The following TRPC6 variants were observed in gnomAD, a reference collection of about 807,000 sequenced individuals.
TRPC6 encodes short transient receptor potential channel 6.
In TRPC6, 55 loss-of-function variants were observed where a neutral mutation model predicts 90.7. The observed-to-expected ratio is 0.61, with a 90% CI of 0.49 to 0.76. TRPC6 has a LOEUF of 0.76. TRPC6 is among the 30% of genes least tolerant of loss of function. The pLI is 0.00. For synonymous variants in TRPC6, 393 were observed against 393.0 expected (o/e 1.00, Z 0.00); for missense variants, 989 against 1,122.7 (o/e 0.88, Z 1.70).
intron 6 of TRPC6, among the ~76,000 whole-genome samples, chr11:101,476,065 C>T (rs904687194): frequency 1.1e-4 from 17 of 151,910 alleles, no homozygotes; most frequent in Non-Finnish European, 2.1e-4. Context: ...GCCAATTGAT[C>T]CAAGAGATAA....
chr11:101,514,981 G>A (rs1382087040), intron 1 of TRPC6, among the ~76,000 whole-genome samples: 1 of 152,182 alleles, frequency 6.6e-6, no homozygotes, highest in Non-Finnish European at 1.5e-5. Flanking sequence ...TACTACCTGT[G>A]TCATCCCTCT....
At chr11:101,551,213 T>C (rs972028963) in intron 1 of TRPC6, among the ~76,000 whole-genome samples, 3 of 151,940 alleles carry the variant, frequency 2.0e-5, no homozygotes, top group African/African-American at 7.2e-5. Flanking sequence ...AATGAGTATT[T>C]AACATTTAAT....
intron 1 of TRPC6, among the ~76,000 whole-genome samples, chr11:101,523,834 T>G (rs1860715286): frequency 6.6e-6 from 1 of 152,200 alleles, no homozygotes; most frequent in Admixed American, 6.5e-5. Context: ...GTTTTAAAAT[T>G]TTTCTATTAT....
Position 101,500,201 on chromosome 11 carries a change from AT to A in TRPC6, c.945+3822del, listed in dbSNP as rs201999926. On this transcript the variant is annotated intron_variant, in intron 2 of 12. Coordinates refer to ENST00000344327, the MANE Select transcript of TRPC6 (RefSeq NM_004621.6). ...TTAAAATTTATTTTTCAAAATGTGT[AT>A]TTTTTTTCTTTCTTTTTTTTTTTTG... Among the ~76,000 whole-genome samples, 566 of 122,580 alleles carry A rather than the reference AT, an allele frequency of 4.6e-3. 8 individuals carry two copies. Among genetic ancestry groups the A allele is most frequent in the African/African-American group, 0.018 (541 of 30,156 alleles). The allele number at this position is 122,580 out of a possible 152,430, so 80.4% of individuals were successfully genotyped here.
At position 101,472,337 on chromosome 11, in the gene TRPC6, G is replaced by A. The variant is rs762205545; in HGVS notation, c.2010-5C>T. On this transcript the variant is annotated splice_polypyrimidine_tract_variant and splice_region_variant and intron_variant, in intron 7 of 12. Coordinates refer to ENST00000344327, the MANE Select transcript of TRPC6 (RefSeq NM_004621.6). The stretch of plus-strand genomic sequence containing the variant: ...GTCTTAAAACTCTCTTCAACTCTGG[G>A]GAAAAAATAACAGAAGAAAAGAAAT... The A allele has an allele frequency of 6.2e-6, 10 of 1,609,342 alleles. No individual in the cohort carries two copies. In the African/African-American group the frequency reaches 9.4e-5, roughly 15 times the overall value.
chr11:101,471,608 C>T (rs1859293642), intron 8 of TRPC6, among the ~76,000 whole-genome samples: 1 of 152,108 alleles, frequency 6.6e-6, no homozygotes, highest in South Asian at 2.1e-4. Flanking sequence ...TCTCCAAGTT[C>T]CCATGTGTTT....
In TRPC6 at chr11:101,504,718, G is replaced by C; in HGVS notation, c.251C>G (p.Pro84Arg). The C allele has an allele frequency of 2.5e-6, 4 of 1,593,790 alleles. No homozygotes were observed. Among genetic ancestry groups the C allele is most frequent in the Non-Finnish European group, 3.4e-6 (4 of 1,169,088 alleles). ...GGAGCGATCACTAAACATGTATGCT[G>C]GTCCTCGATTAGCTAACCTTCTCCC... ...EKGRRLANRG[P>R]AYMFSDRSTS... The change falls in exon 2 of 13, where the codon CCA (proline) becomes CGA (arginine). Residue 84 changes from proline to arginine, a missense_variant. Transcript: ENST00000344327.
intron 1 of TRPC6, among the ~76,000 whole-genome samples, chr11:101,528,229 G>A (rs1295098747): frequency 6.6e-6 from 1 of 152,144 alleles, no homozygotes; most frequent in Non-Finnish European, 1.5e-5. Flanking sequence ...AGTCAGATTA[G>A]TGGAGTATTA....
intron 4 of TRPC6, among the ~76,000 whole-genome samples, chr11:101,486,758 A>G (rs12270234): frequency 0.35 from 53,777 of 151,968 alleles, 10,877 homozygotes; most frequent in African/African-American, 0.55. Context: ...GATATATTGG[A>G]AAATCCAAAA....
intron 1 of TRPC6, among the ~76,000 whole-genome samples, chr11:101,520,585 T>G (rs1241264336): frequency 6.6e-6 from 1 of 152,104 alleles, no homozygotes; most frequent in Non-Finnish European, 1.5e-5. Context: ...TCCTAGAGAC[T>G]TGTTAAATTG....
chr11:101,469,659 T>G (rs1207032597), intron 9 of TRPC6, among the ~76,000 whole-genome samples, 158 bp from the exon 10 acceptor site: 1 of 152,206 alleles, frequency 6.6e-6, no homozygotes, highest in Non-Finnish European at 1.5e-5. Flanking sequence ...GCTTAGACAT[T>G]TCCTTTGGAC....
chr11:101,583,819 A>T lies in TRPC6; in HGVS notation c.-316T>A. The T allele has an allele frequency of 6.3e-6, 2 of 317,954 alleles. No individual in the cohort carries two copies. Among genetic ancestry groups the T allele is most frequent in the Non-Finnish European group, 1.1e-5 (2 of 174,196 alleles). The allele number at this position is 317,954 out of a possible 1,614,324, so 19.7% of individuals were successfully genotyped here. ...CAGGCGGGGCCGCTGGTGGTAGCGA[A>T]GCGTAAGAGCGGAGAGCAAGGGAGA... On this transcript the variant is annotated 5_prime_UTR_variant, in exon 1 of 13. Coordinates refer to ENST00000344327, the MANE Select transcript of TRPC6 (RefSeq NM_004621.6).
chr11:101,483,542 G>A (rs112665005), intron 4 of TRPC6, among the ~76,000 whole-genome samples: 1,553 of 152,218 alleles, frequency 0.01, 15 homozygotes, highest in African/African-American at 0.033. Flanking sequence ...ATATGAAACT[G>A]AGTCTACTTT....
At chr11:101,538,983 C>T (rs547279527) in intron 1 of TRPC6, among the ~76,000 whole-genome samples, 7 of 152,260 alleles carry the variant, frequency 4.6e-5, no homozygotes, top group East Asian at 1.9e-4. Context: ...GTTTGTGCTT[C>T]GTGAAACTCA....
Position 101,494,391 on chromosome 11 carries a change from G to C in TRPC6, c.946-2653C>G, listed in dbSNP as rs138936493. 3.7e-3 allele frequency among the ~76,000 whole-genome samples: 558 copies of C among 152,170 alleles called. 2 individuals are homozygous for C. Among genetic ancestry groups the C allele is most frequent in the South Asian group, 9.8e-3 (47 of 4,810 alleles). ...TATTAAAGAGATTATGCATGCCAAG[G>C]ACTTAGCAAGGTTGTGAGCATTTAG... On this transcript the variant is annotated intron_variant, in intron 2 of 12. Coordinates refer to ENST00000344327, the MANE Select transcript of TRPC6 (RefSeq NM_004621.6).
intron 10 of TRPC6, chr11:101,455,313 G>C (rs1185627928): frequency 4.0e-6 from 2 of 501,352 alleles, no homozygotes; most frequent in South Asian, 4.3e-5. Flanking sequence ...GTTAGAGGTT[G>C]TCTGAGGAGT....
chr11:101,543,925 CT>C (rs1365828152), intron 1 of TRPC6, among the ~76,000 whole-genome samples: 2 of 152,138 alleles, frequency 1.3e-5, no homozygotes, highest in Non-Finnish European at 2.9e-5. Context: ...GCAAAAGAAA[CT>C]GTCATCAAAG....
At chr11:101,527,429 TAGTA>T (rs981165233) in intron 1 of TRPC6, among the ~76,000 whole-genome samples, 2 of 152,230 alleles carry the variant, frequency 1.3e-5, no homozygotes, top group Admixed American at 1.3e-4. Context: ...TTGACTGGGC[TAGTA>T]AGTGTTCTTA....
At chr11:101,484,285 T>G (rs994778368) in intron 4 of TRPC6, among the ~76,000 whole-genome samples, 1 of 152,170 alleles carries the variant, frequency 6.6e-6, no homozygotes, top group Non-Finnish European at 1.5e-5. Flanking sequence ...GAGCTGGAAC[T>G]TGAACCCAGG....
Sources: allele counts gnomAD v4.1 joint callset (sites outside exome capture counted in the v4.1 genomes callset), GRCh38; gene constraint gnomAD v4.1.1; transcripts MANE v1.5; gene names NCBI Gene and HGNC (gene_info 2026-07-23, HGNC 2026-07-21).